The following POU6F1 variants were observed in gnomAD, a reference collection of about 807,000 sequenced individuals.
POU6F1 encodes the protein POU domain, class 6, transcription factor 1.
Under a neutral mutation model 28.9 loss-of-function variants are expected in POU6F1, and 9 were observed. The observed-to-expected ratio is 0.31, with a 90% CI of 0.19 to 0.54. The LOEUF is 0.54. POU6F1 is among the 20% of genes least tolerant of loss of function. POU6F1 has a pLI of 0.94. For missense variants in POU6F1, 338 were observed against 426.1 expected (o/e 0.79, Z 1.82); for synonymous variants, 173 against 171.1 (o/e 1.01, Z -0.09).
At chr12:51,194,640 CAAAA>C (rs1166055503) in intron 8 of POU6F1, among the ~76,000 whole-genome samples, 4 of 77,116 alleles carry the variant, frequency 5.2e-5, no homozygotes, top group Non-Finnish European at 5.3e-5. Context: ...ACCCTGGTCT[CAAAA>C]AAAAAAAAAA....
Position 51,217,778 on chromosome 12 carries a change from T to A in POU6F1, c.-184A>T, listed in dbSNP as rs963194985. On this transcript the variant is annotated 5_prime_UTR_variant, in exon 1 of 11. Coordinates refer to ENST00000333640, the MANE Select transcript of POU6F1 (RefSeq NM_001330422.2). This position sits in a 1 kb window ranked among gnomAD's most constrained non-coding sequence, Gnocchi z 5.3. ...CGCCGCCCGCAGACAAAGAAGCCAG[T>A]GCGGCTTGGCTGGGCTCGGCTCGGC... The A allele has an allele frequency of 6.6e-6, 1 of 151,338 alleles. No individual in the cohort carries two copies. Among genetic ancestry groups the A allele is most frequent in the African/African-American group, 2.4e-5 (1 of 41,126 alleles). 9.4% of individuals were successfully genotyped at this position (151,338 alleles called of 1,614,324 possible). A position where few individuals can be genotyped will look rare whatever the true frequency, so the allele number is the denominator to read the frequency against.
chr12:51,207,959 A>G (rs1325579981), intron 1 of POU6F1, among the ~76,000 whole-genome samples: 1 of 152,186 alleles, frequency 6.6e-6, no homozygotes, highest in African/African-American at 2.4e-5. Context: ...GACTAGAGCC[A>G]CAAACTACAG....
chr12:51,193,512 A>G (rs6580805), intron 8 of POU6F1, among the ~76,000 whole-genome samples: 129,756 of 152,204 alleles, frequency 0.85, 55,764 homozygotes, highest in African/African-American at 0.96. Flanking sequence ...GGAGGCAGAG[A>G]TTGCAGTAAG....
At chr12:51,205,549 A>G (rs1943536575) in intron 2 of POU6F1, among the ~76,000 whole-genome samples, 1 of 152,240 alleles carries the variant, frequency 6.6e-6, no homozygotes, top group South Asian at 2.1e-4. Flanking sequence ...CCATTCAAGA[A>G]TCAGAGACAA....
intron 1 of POU6F1, among the ~76,000 whole-genome samples, chr12:51,211,754 T>C (rs773125671): frequency 2.6e-5 from 4 of 152,032 alleles, no homozygotes; most frequent in Non-Finnish European, 4.4e-5. Flanking sequence ...CAAGACCTTG[T>C]CCCTAATAAA....
Position 51,190,086 on chromosome 12 carries a change from G to A in POU6F1, c.*161C>T. The A allele has an allele frequency of 7.7e-7, 1 of 1,302,502 alleles. No homozygotes were observed. The highest frequency in any genetic ancestry group is 1.0e-6 in the Non-Finnish European group (1 of 975,964). The allele number at this position is 1,302,502 out of a possible 1,614,324, so 80.7% of individuals were successfully genotyped here. ...TCCCCATGATGTGAGATGTGTGGGA[G>A]AAAAGAGGGACATTGATGCACATGC... On this transcript the variant is annotated 3_prime_UTR_variant, in exon 11 of 11. Transcript: ENST00000333640. This position sits in a 1 kb window ranked among gnomAD's most constrained non-coding sequence, Gnocchi z 4.5.
rs1354375627 is a variant in POU6F1 at position 51,196,699 on chromosome 12, C to G, written c.975+100G>C. On this transcript the variant is annotated intron_variant, in intron 7 of 10. Coordinates refer to ENST00000333640, the MANE Select transcript of POU6F1 (RefSeq NM_001330422.2). ...GGAGATAGGAACAACAGCTTGACGT[C>G]TGTTCGAGTTTCTATGACCCACAGC... 43 of 1,411,730 alleles carry G rather than the reference C, an allele frequency of 3.0e-5. No homozygotes were observed. In the South Asian group the frequency reaches 5.1e-4, roughly 17 times the overall value. 87.5% of individuals were successfully genotyped at this position (1,411,730 alleles called of 1,614,324 possible).
rs550477875 is a variant in POU6F1, at chr12:51,194,996, G to A, written c.1179+974C>T. Among the ~76,000 whole-genome samples, 4 of 152,298 alleles carry A rather than the reference G, an allele frequency of 2.6e-5. No homozygotes were observed. In the South Asian group the frequency reaches 8.3e-4, roughly 32 times the overall value. On this transcript the variant is annotated intron_variant, in intron 8 of 10. Coordinates refer to ENST00000333640, the MANE Select transcript of POU6F1 (RefSeq NM_001330422.2). ...GATCTACTGAATAAGAAACTCTGAG[G>A]TGGGACCCAGGAATCTTCATTCCAG...
intron 8 of POU6F1, among the ~76,000 whole-genome samples, chr12:51,195,592 T>C (rs1459557206): frequency 2.0e-5 from 3 of 151,984 alleles, no homozygotes; most frequent in Non-Finnish European, 4.4e-5. Flanking sequence ...GGTGGAGGGA[T>C]GGAGGGGTAG....
chr12:51,216,289 A>T (rs1162186856), intron 1 of POU6F1, among the ~76,000 whole-genome samples: 1 of 152,222 alleles, frequency 6.6e-6, no homozygotes, highest in Non-Finnish European at 1.5e-5. Context: ...AATGCAGAAA[A>T]ACCTTACAGG....
At position 51,188,530 on chromosome 12, in the gene POU6F1, T is replaced by C. The variant is rs1258941234; in HGVS notation, c.*1717A>G. ...CGCGTCTGTGCGCGCTGCACGTGCGTGTGCTAATTCAGCACACAACTGTCC... is the reference window on the plus strand; with the variant it reads ...CGCGTCTGTGCGCGCTGCACGTGCGCGTGCTAATTCAGCACACAACTGTCC... On this transcript the variant is annotated 3_prime_UTR_variant, in exon 11 of 11. Coordinates refer to ENST00000333640, the MANE Select transcript of POU6F1 (RefSeq NM_001330422.2). 1 of 152,316 alleles carries C rather than the reference T, an allele frequency of 6.6e-6. No homozygotes were observed. Among genetic ancestry groups the C allele is most frequent in the Non-Finnish European group, 1.5e-5 (1 of 68,072 alleles). The allele number at this position is 152,316 out of a possible 1,614,324, so 9.4% of individuals were successfully genotyped here.
intron 1 of POU6F1, among the ~76,000 whole-genome samples, chr12:51,212,276 T>C (rs568933228): frequency 1.1e-4 from 16 of 151,804 alleles, no homozygotes; most frequent in Non-Finnish European, 1.8e-4. Context: ...GTATTTTTAG[T>C]AGAGACGGGG....
Position 51,191,260 on chromosome 12 carries a change from C to T in POU6F1, c.1490+336G>A, listed in dbSNP as rs138186011. Among the ~76,000 whole-genome samples the T allele has an allele frequency of 1.8e-3, 279 of 152,358 alleles. 5 individuals carry two copies. In the South Asian group the frequency reaches 0.027, roughly 15 times the overall value. ...ATGGTGGGTTACAGTTAAGGGCCAACATAGAATGGAAGTTCCCACTTTGGT... is the reference window on the plus strand; with the variant it reads ...ATGGTGGGTTACAGTTAAGGGCCAATATAGAATGGAAGTTCCCACTTTGGT... On this transcript the variant is annotated intron_variant, in intron 10 of 10. Transcript: ENST00000333640.
Position 51,196,987 on chromosome 12 carries a change from G to A in POU6F1, c.847-60C>T, listed in dbSNP as rs1308402572. Reference sequence around the variant, plus strand: ...AGGGGTGAGAAGAACCCCGGGCAGAGGGAAGAGGACAGAGGGCATTGGGGT... The same window carrying A: ...AGGGGTGAGAAGAACCCCGGGCAGAAGGAAGAGGACAGAGGGCATTGGGGT... On this transcript the variant is annotated intron_variant, in intron 6 of 10. Coordinates refer to ENST00000333640, the MANE Select transcript of POU6F1 (RefSeq NM_001330422.2). 12 of 985,544 alleles carry A rather than the reference G, an allele frequency of 1.2e-5. No individual in the cohort carries two copies. The East Asian group carries it at 2.2e-4, about 18-fold the overall frequency. The allele number at this position is 985,544 out of a possible 1,614,324, so 61.0% of individuals were successfully genotyped here.
In POU6F1 at chr12:51,205,850, G is replaced by A. The variant is rs1006300975; in HGVS notation, c.48+939C>T. Among the ~76,000 whole-genome samples the A allele has an allele frequency of 4.5e-5, 6 of 134,370 alleles. 1 individual carries two copies. The South Asian group carries it at 1.1e-3, about 26-fold the overall frequency. 88.2% of individuals were successfully genotyped at this position (134,370 alleles called of 152,430 possible). On this transcript the variant is annotated intron_variant, in intron 2 of 10. Coordinates refer to ENST00000333640, the MANE Select transcript of POU6F1 (RefSeq NM_001330422.2). ...TTTTTTTTTTTGTAGACAGAGTCTC[G>A]CCCTGTCACCCAGGCTGGAGTTCAG...
chr12:51,193,174 G>C (rs762065314), intron 8 of POU6F1, among the ~76,000 whole-genome samples: 1 of 152,156 alleles, frequency 6.6e-6, no homozygotes, highest in Non-Finnish European at 1.5e-5. Context: ...CACCAAATGC[G>C]CATTGAACAG....
intron 1 of POU6F1, among the ~76,000 whole-genome samples, chr12:51,211,874 G>C (rs973809069): frequency 6.6e-6 from 1 of 152,146 alleles, no homozygotes; most frequent in Non-Finnish European, 1.5e-5. Flanking sequence ...GGGCCATGCA[G>C]GATTTTCAGC....
At chr12:51,195,938 G>GTCCCCCCCC in intron 8 of POU6F1, 32 bp downstream of exon 8, 1 of 916,160 alleles carries the variant, frequency 1.1e-6, no homozygotes, top group South Asian at 1.5e-5. Flanking sequence ...AGCAGAGCCT[G>GTCCCCCCCC]CCCCACCCCC....
chr12:51,199,776 T>TA lies in POU6F1; in HGVS notation c.336_337insT (p.Thr113TyrfsTer167). The TA allele has an allele frequency of 2.5e-6, 1 of 399,154 alleles. No individual in the cohort carries two copies. The highest frequency in any genetic ancestry group is 3.6e-5 in the East Asian group (1 of 28,074). The allele number at this position is 399,154 out of a possible 1,614,324, so 24.7% of individuals were successfully genotyped here. The stretch of plus-strand genomic sequence containing the variant: ...GGGGCAGCTTGTACAGCCAGTGGCG[T>TA]CAGGGTCTGCGATGCCTGAGGCTGG... On this transcript the variant is annotated frameshift_variant, in exon 4 of 11. Transcript: ENST00000333640. LOFTEE classifies it high-confidence loss of function. This position sits in a 1 kb window ranked among gnomAD's most constrained non-coding sequence, Gnocchi z 4.1.
Sources: allele counts gnomAD v4.1 joint callset (sites outside exome capture counted in the v4.1 genomes callset), GRCh38; gene constraint gnomAD v4.1.1; non-coding constraint Gnocchi (gnomAD v3.1); transcripts MANE v1.5; gene names NCBI Gene and HGNC (gene_info 2026-07-23, HGNC 2026-07-21).